Variants in MYOCD observed in about 807,000 individuals in gnomAD.
The protein encoded by MYOCD is myocardin.
In MYOCD, 32 loss-of-function variants were observed where a neutral mutation model predicts 96.1. That is an observed-to-expected ratio of 0.33 (90% CI 0.25 to 0.45). The LOEUF (loss-of-function observed/expected upper bound fraction) is 0.45, where lower values mean the gene tolerates loss of function less well. Ranked by LOEUF, MYOCD falls within the 20% of genes least tolerant of loss-of-function variation. The pLI, the probability that MYOCD is intolerant of heterozygous loss-of-function variation, is 1.00. For missense variants in MYOCD, 1,133 were observed against 1,200.6 expected, an observed-to-expected ratio of 0.94 and a Z score of 0.83; for synonymous variants, 469 against 469.0, an observed-to-expected ratio of 1.00 and a Z score of 0.00.
At position 12,765,247 on chromosome 17, in the gene MYOCD, A is replaced by C. The variant is rs978423222; in HGVS notation, c.*1603A>C. On this transcript the variant is annotated 3_prime_UTR_variant, in exon 14 of 14. Coordinates refer to ENST00000425538, the MANE Select transcript of MYOCD (RefSeq NM_001146312.3). ...ACCATTTTATATTGTTGCATGCTGT[A>C]GAAAGGAGCTATTGCTGTTGTTTTG... The C allele has an allele frequency of 6.6e-6, 1 of 152,082 alleles. No individual in the cohort carries two copies. The highest frequency in any genetic ancestry group is 1.5e-5 in the Non-Finnish European group (1 of 68,020). 9.4% of individuals were successfully genotyped at this position (152,082 alleles called of 1,614,324 possible).
chr17:12,742,714 G>A (rs1322074499), intron 7 of MYOCD, among the ~76,000 whole-genome samples: 2 of 151,836 alleles, frequency 1.3e-5, no homozygotes, highest in Non-Finnish European at 1.5e-5. Flanking sequence ...GAGACTACAG[G>A]CATCTACCAC....
At chr17:12,717,669 G>A (rs549485517) in intron 4 of MYOCD, among the ~76,000 whole-genome samples, 2 of 152,312 alleles carry the variant, frequency 1.3e-5, no homozygotes, top group East Asian at 3.9e-4. Flanking sequence ...TAACTCTAAG[G>A]CCTGGGCAAA....
In MYOCD at chr17:12,715,548, C is replaced by A; in HGVS notation, c.151C>A (p.Gln51Lys). ...PLKRPAEFHE[Q>K]RKHLDSDKAK... ...GAAACGTCCAGCTGAATTCCATGAG[C>A]AAAGAAAACATTTGGATAGTGACAA... is the stretch of plus-strand genomic sequence containing the variant. Residue 51 changes from glutamine to lysine, a missense_variant, in exon 3 of 14, where the codon CAA (glutamine) becomes AAA (lysine). Transcript: ENST00000425538. The A allele has an allele frequency of 1.2e-6, 2 of 1,613,578 alleles. No homozygotes were observed. The highest frequency in any genetic ancestry group is 1.7e-6 in the Non-Finnish European group (2 of 1,179,756).
intron 1 of MYOCD, among the ~76,000 whole-genome samples, chr17:12,695,798 A>G (rs1273807665): frequency 1.3e-5 from 2 of 152,194 alleles, no homozygotes; most frequent in Non-Finnish European, 2.9e-5. Context: ...ATCATCACTA[A>G]GATTTTGCAA....
At chr17:12,728,505 G>A (rs2032066334) in intron 5 of MYOCD, among the ~76,000 whole-genome samples, 1 of 152,100 alleles carries the variant, frequency 6.6e-6, no homozygotes, top group Non-Finnish European at 1.5e-5. Context: ...TTAAGACAGA[G>A]TTTCGCTCTT....
chr17:12,759,475 A>G (rs2033108775), intron 12 of MYOCD, among the ~76,000 whole-genome samples: 1 of 152,144 alleles, frequency 6.6e-6, no homozygotes. Flanking sequence ...GAACTGATAA[A>G]TGACTCATTT....
At chr17:12,704,024 C>T (rs555851440) in intron 1 of MYOCD, among the ~76,000 whole-genome samples, 1 of 152,234 alleles carries the variant, frequency 6.6e-6, no homozygotes, top group Non-Finnish European at 1.5e-5. Flanking sequence ...ACATCTGACC[C>T]ATCTCGAGGT....
At position 12,767,165 on chromosome 17, in the gene MYOCD, T is replaced by C. The variant is rs909151618; in HGVS notation, c.*3521T>C. Reference sequence around the variant, plus strand: ...TTATGAGAAGTAAATCAGAATTTTTTTAAGGAGAAGTCATTCTTAGCACTA... The same window carrying C: ...TTATGAGAAGTAAATCAGAATTTTTCTAAGGAGAAGTCATTCTTAGCACTA... On this transcript the variant is annotated 3_prime_UTR_variant, in exon 14 of 14. Coordinates refer to ENST00000425538, the MANE Select transcript of MYOCD (RefSeq NM_001146312.3). 24 of 152,188 alleles carry C rather than the reference T, an allele frequency of 1.6e-4. No homozygotes were observed. The highest frequency in any genetic ancestry group is 5.6e-4 in the African/African-American group (23 of 41,426). 9.4% of individuals were successfully genotyped at this position (152,188 alleles called of 1,614,324 possible). A position where few individuals can be genotyped will look rare whatever the true frequency, so the allele number is the denominator to read the frequency against.
chr17:12,736,395 T>C (rs2032347490), intron 6 of MYOCD, 59 bp downstream of exon 6: 1 of 1,559,342 alleles, frequency 6.4e-7, no homozygotes, highest in African/African-American at 1.4e-5. Context: ...TATTATCGTT[T>C]CAGTCTTAAC....
At chr17:12,757,550 G>A (rs887173754) in intron 11 of MYOCD, among the ~76,000 whole-genome samples, 5 of 152,144 alleles carry the variant, frequency 3.3e-5, no homozygotes, top group African/African-American at 7.2e-5. Context: ...AGACTGGAGT[G>A]CAGTGGCGCG....
intron 11 of MYOCD, 113 bp downstream of exon 11, chr17:12,756,670 C>A (rs1785661910): frequency 3.1e-6 from 2 of 653,610 alleles, no homozygotes; most frequent in Non-Finnish European, 4.6e-6. Context: ...CACTCCAGCC[C>A]AGGTGACAGA....
intron 1 of MYOCD, among the ~76,000 whole-genome samples, chr17:12,698,438 G>A (rs1315172890): frequency 1.3e-5 from 2 of 152,126 alleles, no homozygotes; most frequent in Non-Finnish European, 2.9e-5. Context: ...AATTTATTTT[G>A]TATTCAGGGA....
chr17:12,694,348 G>A (rs899995434), intron 1 of MYOCD, among the ~76,000 whole-genome samples: 5 of 152,170 alleles, frequency 3.3e-5, no homozygotes, highest in Non-Finnish European at 7.3e-5. Context: ...GTGGGGCAAG[G>A]TTTCTGTCTG....
At chr17:12,667,505 A>C (rs12325778) in intron 1 of MYOCD, among the ~76,000 whole-genome samples, 17,481 of 151,978 alleles carry the variant, frequency 0.12, 1,095 homozygotes, top group Admixed American at 0.14. Context: ...CCAGCTAGAG[A>C]CCTCACCACT....
intron 5 of MYOCD, among the ~76,000 whole-genome samples, chr17:12,735,094 T>G (rs1567591568): frequency 6.6e-6 from 1 of 152,224 alleles, no homozygotes; most frequent in Non-Finnish European, 1.5e-5. Context: ...TTTGTTCCAT[T>G]ACTTCCAGCT....
intron 5 of MYOCD, among the ~76,000 whole-genome samples, chr17:12,733,576 G>T (rs944357823): frequency 1.3e-5 from 2 of 151,850 alleles, no homozygotes; most frequent in African/African-American, 4.8e-5. Flanking sequence ...TTATTAAAAA[G>T]AAATGAGAAG....
At chr17:12,680,145 C>T (rs1910363265) in intron 1 of MYOCD, among the ~76,000 whole-genome samples, 1 of 152,170 alleles carries the variant, frequency 6.6e-6, no homozygotes, top group South Asian at 2.1e-4. Flanking sequence ...AATGAAGACT[C>T]TCCTCTTAAT....
intron 1 of MYOCD, among the ~76,000 whole-genome samples, chr17:12,669,624 G>T (rs942532406): frequency 4.0e-5 from 6 of 148,806 alleles, no homozygotes; most frequent in South Asian, 2.1e-4. Flanking sequence ...GTTTTTTGTT[G>T]TTTTTTTTTT....
rs1407219641 is a variant in MYOCD at position 12,739,221 on chromosome 17, G to A, written c.610G>A (p.Glu204Lys). ...GTNQDLASGS[E>K]NDRNDSASQP... ...ATTTCAGGATCTTGCTTCTGGCTCA[G>A]AAAATGACAGAAATGACTCAGCCTC... Residue 204 changes from glutamate (E) to lysine (K), a missense_variant, in exon 7 of 14, where the codon GAA (glutamate) becomes AAA (lysine). By Grantham distance (56) the Glu-to-Lys change is moderately conservative. Transcript: ENST00000425538. 2 of 1,608,692 alleles carry A rather than the reference G, an allele frequency of 1.2e-6. No individual in the cohort carries two copies. The highest frequency in any genetic ancestry group is 1.7e-5 in the Admixed American group (1 of 58,700).
Sources: allele counts gnomAD v4.1 joint callset (sites outside exome capture counted in the v4.1 genomes callset), GRCh38; gene constraint gnomAD v4.1.1; transcripts MANE v1.5; gene names NCBI Gene and HGNC (gene_info 2026-07-23, HGNC 2026-07-21).